The following SPRED2 variants were observed in gnomAD, a reference collection of about 807,000 sequenced individuals.
SPRED2 encodes the protein sprouty-related, EVH1 domain-containing protein 2.
Under a neutral mutation model 43.0 loss-of-function variants are expected in SPRED2, and 47 were observed. That is an observed-to-expected ratio of 1.09 (90% CI 0.87 to 1.40). The LOEUF is 1.40. Among genes scored for constraint, SPRED2 ranks in the 40% most tolerant of loss-of-function variants. SPRED2 has a pLI of 0.00. For synonymous variants in SPRED2, 225 were observed against 225.7 expected (o/e 1.00, Z 0.03); for missense variants, 561 against 586.4 (o/e 0.96, Z 0.45).
intron 1 of SPRED2, among the ~76,000 whole-genome samples, chr2:65,415,076 C>G (rs1241697245): frequency 6.6e-6 from 1 of 152,188 alleles, no homozygotes; most frequent in Non-Finnish European, 1.5e-5. Flanking sequence ...TGTGAGCCAT[C>G]ACAACTAGCC....
In SPRED2 at chr2:65,390,017, G is replaced by A. The variant is rs1675593352; in HGVS notation, c.26+41945C>T. On this transcript the variant is annotated intron_variant, in intron 1 of 5. Coordinates refer to ENST00000356388, the MANE Select transcript of SPRED2 (RefSeq NM_181784.3). The stretch of plus-strand genomic sequence containing the variant: ...TCTTTGTGGAGCAAAGCTGAGGATG[G>A]ACACCCTGATACACATCACCCCTTT... Among the ~76,000 whole-genome samples the A allele has an allele frequency of 2.0e-5, 3 of 152,168 alleles. No homozygotes were observed. The South Asian group carries it at 6.2e-4, about 32-fold the overall frequency.
At chr2:65,352,021 T>A (rs942208236) in intron 1 of SPRED2, among the ~76,000 whole-genome samples, 1 of 152,272 alleles carries the variant, frequency 6.6e-6, no homozygotes, top group South Asian at 2.1e-4. Flanking sequence ...ACACTTGCTC[T>A]ACACGCTATA....
chr2:65,320,277 G>A (rs1027545884), intron 4 of SPRED2, among the ~76,000 whole-genome samples: 7 of 152,214 alleles, frequency 4.6e-5, no homozygotes, highest in South Asian at 4.2e-4. Flanking sequence ...AACACACCAC[G>A]GTCACCACTG....
Position 65,312,459 on chromosome 2 carries a change from G to A in SPRED2, c.*1042C>T. ...ATATAAAATAGCCAGGGGTTGGGGGGAAGAAGCTCCCTATGGTTTTATTCA... is the reference window on the plus strand; with the variant it reads ...ATATAAAATAGCCAGGGGTTGGGGGAAAGAAGCTCCCTATGGTTTTATTCA... On this transcript the variant is annotated 3_prime_UTR_variant, in exon 6 of 6. Transcript: ENST00000356388. 2.0e-6 allele frequency: 2 copies of A among 985,428 alleles called. No homozygotes were observed. Among genetic ancestry groups the A allele is most frequent in the South Asian group, 4.7e-5 (1 of 21,288 alleles). 61.0% of individuals were successfully genotyped at this position (985,428 alleles called of 1,614,324 possible).
At chr2:65,322,256 CT>C (rs1558649628) in intron 4 of SPRED2, among the ~76,000 whole-genome samples, 16 of 76,846 alleles carry the variant, frequency 2.1e-4, no homozygotes, top group African/African-American at 1.0e-3. Context: ...CTCTCTCTCT[CT>C]CTCTCTCTCT....
chr2:65,308,507 A>G (rs138675684), downstream of SPRED2: 418 of 985,408 alleles, frequency 4.2e-4, 13 homozygotes, highest in East Asian at 0.038. Flanking sequence ...AAATATTGAT[A>G]ATGCGCTTCA....
chr2:65,310,575 C>T (rs991776808), downstream of SPRED2, among the ~76,000 whole-genome samples: 3 of 151,966 alleles, frequency 2.0e-5, no homozygotes, highest in African/African-American at 4.8e-5. Context: ...CTCTGAGGAG[C>T]GCTCGTTGGG....
chr2:65,342,977 C>T (rs1460269859), intron 2 of SPRED2, among the ~76,000 whole-genome samples: 1 of 152,058 alleles, frequency 6.6e-6, no homozygotes, highest in Non-Finnish European at 1.5e-5. Flanking sequence ...GGGAAAATTA[C>T]ATCAAAGGGC....
rs1673071718 is a variant in SPRED2 at position 65,311,694 on chromosome 2, A to G, written c.*1807T>C. ...TGGACAGCTCTCTGCTCCTTTTCCA[A>G]ACTGGAAAGCCTAAACCAGTTACTC... On this transcript the variant is annotated 3_prime_UTR_variant, in exon 6 of 6. Transcript: ENST00000356388. 11 of 985,356 alleles carry G rather than the reference A, an allele frequency of 1.1e-5. No homozygotes were observed. Among genetic ancestry groups the G allele is most frequent in the Admixed American group, 6.2e-5 (1 of 16,258 alleles). 61.0% of individuals were successfully genotyped at this position (985,356 alleles called of 1,614,324 possible). A position where few individuals can be genotyped will look rare whatever the true frequency, so the allele number is the denominator to read the frequency against.
At chr2:65,347,088 C>A (rs1008997402) in intron 1 of SPRED2, among the ~76,000 whole-genome samples, 2 of 152,108 alleles carry the variant, frequency 1.3e-5, no homozygotes, top group Admixed American at 1.3e-4. Flanking sequence ...GCATCCTGCT[C>A]TCCGACCACC....
chr2:65,373,489 TACAA>T lies in SPRED2; in HGVS notation c.27-28597_27-28594del, dbSNP rs549808721. Among the ~76,000 whole-genome samples, 1,079 of 152,332 alleles carry T rather than the reference TACAA, an allele frequency of 7.1e-3. 7 individuals are homozygous for T. Among genetic ancestry groups the T allele is most frequent in the Admixed American group, 0.012 (190 of 15,302 alleles). ...CCCAAAGCTAGAACTCACTTTTCCT[TACAA>T]ACAAACATTAGTCAACAGCAGCAGC... On this transcript the variant is annotated intron_variant, in intron 1 of 5. Coordinates refer to ENST00000356388, the MANE Select transcript of SPRED2 (RefSeq NM_181784.3).
At chr2:65,430,065 GAGCA>G (rs1420771818) in intron 1 of SPRED2, among the ~76,000 whole-genome samples, 1 of 152,192 alleles carries the variant, frequency 6.6e-6, no homozygotes. Context: ...TGCAAGGCCA[GAGCA>G]CAGCAACCAG....
intron 1 of SPRED2, among the ~76,000 whole-genome samples, chr2:65,354,964 C>A (rs1357458787): frequency 2.0e-5 from 3 of 152,196 alleles, no homozygotes; most frequent in Non-Finnish European, 4.4e-5. Flanking sequence ...GTGAGTAATG[C>A]ACCTGGCCCA....
At chr2:65,371,621 A>C (rs1007063960) in intron 1 of SPRED2, among the ~76,000 whole-genome samples, 2 of 152,130 alleles carry the variant, frequency 1.3e-5, no homozygotes, top group Non-Finnish European at 2.9e-5. Flanking sequence ...GTTTTCAGCT[A>C]TGTTTCTTAA....
intron 1 of SPRED2, among the ~76,000 whole-genome samples, chr2:65,357,840 A>G (rs1674701751): frequency 1.3e-5 from 2 of 152,104 alleles, no homozygotes; most frequent in Admixed American, 6.5e-5. Context: ...CCTAACCTCC[A>G]TTACACATCT....
chr2:65,322,287 TA>T lies in SPRED2; in HGVS notation c.439-5405del, dbSNP rs1462926038. Among the ~76,000 whole-genome samples, 796 of 103,872 alleles carry T rather than the reference TA, an allele frequency of 7.7e-3. 19 individuals are homozygous for T. Among genetic ancestry groups the T allele is most frequent in the Non-Finnish European group, 0.012 (629 of 54,504 alleles). The allele number at this position is 103,872 out of a possible 152,430, so 68.1% of individuals were successfully genotyped here. A position where few individuals can be genotyped will look rare whatever the true frequency, so the allele number is the denominator to read the frequency against. ...CTCTCTCTCTATATATATATATATATATATATATTTTTTTTTTTTTTTTTGA... is the reference window on the plus strand; with the variant it reads ...CTCTCTCTCTATATATATATATATATTATATATTTTTTTTTTTTTTTTTGA... On this transcript the variant is annotated intron_variant, in intron 4 of 5. Transcript: ENST00000356388.
intron 1 of SPRED2, among the ~76,000 whole-genome samples, chr2:65,386,157 T>C (rs1047751662): frequency 6.6e-6 from 1 of 151,762 alleles, no homozygotes; most frequent in African/African-American, 2.4e-5. Flanking sequence ...TGGTAGCGGG[T>C]GCCTATAATC....
intron 1 of SPRED2, among the ~76,000 whole-genome samples, chr2:65,399,393 T>C (rs1443897946): frequency 3.4e-5 from 5 of 148,510 alleles, no homozygotes; most frequent in Admixed American, 6.6e-5. Context: ...CTTTTTTTTT[T>C]TTTTTTTTTG....
In SPRED2 at chr2:65,314,180, G is replaced by A. The variant is rs2104106714; in HGVS notation, c.589-11C>T. 1 of 1,558,488 alleles carries A rather than the reference G, an allele frequency of 6.4e-7. No homozygotes were observed. The highest frequency in any genetic ancestry group is 1.2e-5 in the South Asian group (1 of 84,718). Reference sequence around the variant, plus strand: ...GGGCCTTGGCATCGGCTGTCCCGTAGGAGAGGAGACATTATTTTACAGCAG... The same window carrying A: ...GGGCCTTGGCATCGGCTGTCCCGTAAGAGAGGAGACATTATTTTACAGCAG... On this transcript the variant is annotated splice_polypyrimidine_tract_variant and intron_variant, in intron 5 of 5. Coordinates refer to ENST00000356388, the MANE Select transcript of SPRED2 (RefSeq NM_181784.3).
Sources: gnomAD v4.1 joint callset for allele counts (sites outside exome capture counted in the v4.1 genomes callset) on GRCh38, gnomAD v4.1.1 for gene constraint, MANE v1.5 for transcripts, NCBI Gene and HGNC (gene_info 2026-07-23, HGNC 2026-07-21) for gene names.